Variants in ERICH1 observed in about 807,000 individuals in gnomAD.
ERICH1 encodes the protein glutamate rich 1, also known as glutamate-rich protein 1.
In ERICH1, 56 loss-of-function variants were observed where a neutral mutation model predicts 39.6. The ratio of observed to expected loss-of-function variants is 1.41; its 90% CI spans 1.14 to 1.77. The LOEUF (loss-of-function observed/expected upper bound fraction) is 1.77, where lower values mean the gene tolerates loss of function less well. Ranked by LOEUF, ERICH1 falls within the 40% of genes most tolerant of loss-of-function variation. ERICH1 has a pLI of 0.00. For missense variants in ERICH1, 826 were observed against 575.4 expected (o/e 1.44, Z -4.45); for synonymous variants, 313 against 223.6 (o/e 1.40, Z -3.57).
chr8:721,466 G>C (rs1381948429), intron 1 of ERICH1, among the ~76,000 whole-genome samples: 1 of 152,228 alleles, frequency 6.6e-6, no homozygotes, highest in Non-Finnish European at 1.5e-5. Flanking sequence ...TTTAGCATCT[G>C]AGCTGACAAG....
At chr8:650,523 G>C (rs1799810858) in intron 3 of ERICH1, among the ~76,000 whole-genome samples, 1 of 152,202 alleles carries the variant, frequency 6.6e-6, no homozygotes, top group African/African-American at 2.4e-5. Context: ...CCCAGCAGCA[G>C]CCGCCCCGGT....
chr8:685,105 C>T lies in ERICH1; in HGVS notation c.304+7373G>A, dbSNP rs1807001295. 3.3e-5 allele frequency among the ~76,000 whole-genome samples: 5 copies of T among 152,296 alleles called. No individual in the cohort carries two copies. The South Asian group carries it at 1.0e-3, about 32-fold the overall frequency. On this transcript the variant is annotated intron_variant, in intron 3 of 5. Coordinates refer to ENST00000262109, the MANE Select transcript of ERICH1 (RefSeq NM_207332.3). ...GCAGGAGACCAGGGCGTGTTTCATC[C>T]CTATCTACAACTGCATAAGGCAGAC... is the stretch of plus-strand genomic sequence containing the variant.
chr8:726,709 C>T (rs1818788262), intron 1 of ERICH1, among the ~76,000 whole-genome samples: 1 of 151,440 alleles, frequency 6.6e-6, no homozygotes, highest in Non-Finnish European at 1.5e-5. Flanking sequence ...CACACATGTA[C>T]ACACACAGGC....
chr8:642,502 G>A (rs1251456733), intron 3 of ERICH1, among the ~76,000 whole-genome samples: 2 of 151,790 alleles, frequency 1.3e-5, no homozygotes, highest in South Asian at 2.1e-4. Context: ...CAGCCACCAC[G>A]CCCGGCTAAT....
intron 2 of ERICH1, among the ~76,000 whole-genome samples, chr8:709,496 C>T (rs1405048073): frequency 1.3e-5 from 2 of 152,234 alleles, no homozygotes; most frequent in African/African-American, 4.8e-5. Flanking sequence ...GTGCACCCAA[C>T]CTTCTCATTT....
chr8:717,621 C>T (rs1563344959), intron 1 of ERICH1, among the ~76,000 whole-genome samples: 1 of 152,226 alleles, frequency 6.6e-6, no homozygotes, highest in Non-Finnish European at 1.5e-5. Flanking sequence ...CCAACATCTT[C>T]ATAAGCCAAA....
chr8:692,877 T>C (rs1809238612), intron 2 of ERICH1, among the ~76,000 whole-genome samples: 1 of 152,190 alleles, frequency 6.6e-6, no homozygotes, highest in Non-Finnish European at 1.5e-5. Flanking sequence ...TTATGCAAAC[T>C]TCTGGGTTTT....
At chr8:640,255 T>A (rs1205177388) in intron 3 of ERICH1, among the ~76,000 whole-genome samples, 3 of 152,214 alleles carry the variant, frequency 2.0e-5, no homozygotes, top group African/African-American at 7.2e-5. Flanking sequence ...GCAAAAATGT[T>A]AATTCTTTCT....
downstream of ERICH1, among the ~76,000 whole-genome samples, chr8:660,007 G>C (rs1801180128): frequency 6.6e-6 from 1 of 152,248 alleles, no homozygotes; most frequent in African/African-American, 2.4e-5. Flanking sequence ...CCAAGGGAAG[G>C]GGGCAGCCCC....
At chr8:688,502 G>T (rs1427977870) in intron 3 of ERICH1, among the ~76,000 whole-genome samples, 5 of 151,674 alleles carry the variant, frequency 3.3e-5, no homozygotes, top group Non-Finnish European at 7.4e-5. Flanking sequence ...ACAACGCCAC[G>T]GCCCTCCTGG....
chr8:708,362 T>C (rs1045677997), intron 2 of ERICH1, among the ~76,000 whole-genome samples: 3 of 152,162 alleles, frequency 2.0e-5, no homozygotes, highest in African/African-American at 7.2e-5. Flanking sequence ...CTCATAGCAA[T>C]GTTACTGACA....
intron 3 of ERICH1, among the ~76,000 whole-genome samples, chr8:621,927 C>T (rs550812716): frequency 1.3e-5 from 2 of 152,270 alleles, no homozygotes; most frequent in Non-Finnish European, 2.9e-5. Context: ...GTTAAAACTT[C>T]CTTGTGGCTG....
intron 3 of ERICH1, among the ~76,000 whole-genome samples, chr8:649,695 G>A (rs567802223): frequency 3.2e-4 from 49 of 152,302 alleles, no homozygotes; most frequent in African/African-American, 1.2e-3. Flanking sequence ...CAGGAGGCAG[G>A]AGCTGGAAGA....
intron 3 of ERICH1, among the ~76,000 whole-genome samples, chr8:652,461 T>A (rs1047621530): frequency 3.3e-5 from 5 of 151,830 alleles, no homozygotes; most frequent in African/African-American, 1.2e-4. Flanking sequence ...CGGAGTGGAG[T>A]TGATATCACA....
chr8:700,442 CAGGCCACAG>C (rs1332725531), intron 2 of ERICH1, among the ~76,000 whole-genome samples: 9 of 79,848 alleles, frequency 1.1e-4, no homozygotes, highest in African/African-American at 3.0e-4. Flanking sequence ...CAGGCCCTCA[CAGGCCACAG>C]ACCCGCACAG....
chr8:619,848 T>A (rs1243026943), intron 3 of ERICH1, among the ~76,000 whole-genome samples: 4 of 152,158 alleles, frequency 2.6e-5, no homozygotes, highest in Non-Finnish European at 4.4e-5. Context: ...AGTATAAATC[T>A]AAAATAAAAT....
chr8:715,090 C>T (rs1815568455), intron 2 of ERICH1, among the ~76,000 whole-genome samples: 1 of 151,994 alleles, frequency 6.6e-6, no homozygotes, highest in Non-Finnish European at 1.5e-5. Context: ...ATTCCCGTGT[C>T]TCTCAGTGGG....
chr8:726,575 C>G (rs1307020186), intron 1 of ERICH1, among the ~76,000 whole-genome samples: 1 of 151,280 alleles, frequency 6.6e-6, no homozygotes, highest in Non-Finnish European at 1.5e-5. Context: ...GCACAAGACA[C>G]ACAGGCGCAC....
chr8:708,775 T>C (rs920159249), intron 2 of ERICH1, among the ~76,000 whole-genome samples: 4 of 145,016 alleles, frequency 2.8e-5, no homozygotes, highest in Non-Finnish European at 4.5e-5. Context: ...CTCACTGAAG[T>C]CTTGTCTTCT....
Sources: allele counts gnomAD v4.1 joint callset (sites outside exome capture counted in the v4.1 genomes callset), GRCh38; gene constraint gnomAD v4.1.1; transcripts MANE v1.5; gene names NCBI Gene and HGNC (gene_info 2026-07-23, HGNC 2026-07-21).